Variants in MCCC1 observed in about 807,000 individuals in gnomAD.
MCCC1 encodes methylcrotonyl-CoA carboxylase subunit 1.
In MCCC1, 64 loss-of-function variants were observed where a neutral mutation model predicts 83.8. The observed-to-expected ratio is 0.76, with a 90% CI of 0.62 to 0.94. The LOEUF is 0.94. Among genes scored for constraint, MCCC1 ranks in the 40% least tolerant of loss-of-function variants. The probability of loss-of-function intolerance (pLI) is 0.00; values close to 1 mark genes in which losing one functional copy is unlikely to be tolerated. For missense variants in MCCC1, 807 were observed against 904.7 expected (o/e 0.89, Z 1.39); for synonymous variants, 322 against 315.4 (o/e 1.02, Z -0.22).
intron 9 of MCCC1, among the ~76,000 whole-genome samples, chr3:183,046,608 C>T (rs913624428): frequency 6.6e-6 from 1 of 152,026 alleles, no homozygotes; most frequent in African/African-American, 2.4e-5. Flanking sequence ...CCATGTTGGC[C>T]AGGCTGGTCT....
intron 7 of MCCC1, among the ~76,000 whole-genome samples, chr3:183,062,349 AGTT>A (rs1715900301): frequency 1.1e-5 from 1 of 93,558 alleles, no homozygotes; most frequent in South Asian, 3.7e-4. Context: ...TTGTTTTTTC[AGTT>A]TTTTTTTTTT....
chr3:183,074,060 G>A (rs6782692), intron 4 of MCCC1, among the ~76,000 whole-genome samples: 136,401 of 152,232 alleles, frequency 0.9, 61,494 homozygotes, highest in East Asian at 1. Context: ...GACTCAGAAT[G>A]GCGTGCAATT....
At chr3:183,037,529 G>A in intron 12 of MCCC1, 95 bp from the exon 13 acceptor site, 1 of 1,052,156 alleles carries the variant, frequency 9.5e-7, no homozygotes, top group Non-Finnish European at 1.4e-6. Flanking sequence ...TTTCTACTGT[G>A]AACAACTCTT....
At position 183,045,559 on chromosome 3, in the gene MCCC1, T is replaced by C. The variant is rs752640273; in HGVS notation, c.956-19A>G. On this transcript the variant is annotated intron_variant, in intron 9 of 18. Transcript: ENST00000265594. ...ACAGTCCCTAAAAGGTAAAAAACAATGGTCATATTCAATAGTGTATAATCA... is the reference window on the plus strand; with the variant it reads ...ACAGTCCCTAAAAGGTAAAAAACAACGGTCATATTCAATAGTGTATAATCA... 4 of 1,613,062 alleles carry C rather than the reference T, an allele frequency of 2.5e-6. No homozygotes were observed. Among genetic ancestry groups the C allele is most frequent in the Non-Finnish European group, 2.5e-6 (3 of 1,179,332 alleles).
chr3:183,050,808 A>G (rs1714921527), intron 9 of MCCC1, among the ~76,000 whole-genome samples: 2 of 152,202 alleles, frequency 1.3e-5, no homozygotes, highest in South Asian at 2.1e-4. Context: ...CTGTCATTCA[A>G]AATATACAAA....
At chr3:183,106,706 A>T (rs1456987039) in intron 1 of MCCC1, among the ~76,000 whole-genome samples, 1 of 152,114 alleles carries the variant, frequency 6.6e-6, no homozygotes, top group African/African-American at 2.4e-5. Flanking sequence ...CGTGTCGGCC[A>T]GGCTGATCTC....
intron 10 of MCCC1, among the ~76,000 whole-genome samples, chr3:183,045,191 TG>T (rs1368832714): frequency 6.6e-6 from 1 of 151,272 alleles, no homozygotes; most frequent in Non-Finnish European, 1.5e-5. Flanking sequence ...GTGATTCTCC[TG>T]CCTCAGCCTC....
At chr3:183,034,098 A>G (rs1295996236) in intron 13 of MCCC1, 21 bp from the exon 14 acceptor site, 1 of 1,499,004 alleles carries the variant, frequency 6.7e-7, no homozygotes, top group Middle Eastern at 2.2e-4. Context: ...TTTAAAATTC[A>G]GTAACAAACT....
At chr3:183,086,598 G>A in intron 4 of MCCC1, 95 bp downstream of exon 4, 2 of 1,091,386 alleles carry the variant, frequency 1.8e-6, no homozygotes, top group East Asian at 2.5e-5. Context: ...AAAGATCTTG[G>A]GAAAGGCTAA....
chr3:183,094,723 T>G (rs532038419), intron 1 of MCCC1, 118 bp from the exon 2 acceptor site: 1 of 988,370 alleles, frequency 1.0e-6, no homozygotes, highest in South Asian at 1.3e-5. Flanking sequence ...AGTGCTTTAG[T>G]AAGACTTTCT....
chr3:183,044,003 A>G (rs529187830), intron 10 of MCCC1, among the ~76,000 whole-genome samples: 4 of 152,234 alleles, frequency 2.6e-5, no homozygotes, highest in South Asian at 4.1e-4. Context: ...TTTCGTTAAC[A>G]CCCTAGGATA....
At chr3:183,099,265 G>C (rs370941791) in intron 1 of MCCC1, 87 bp downstream of exon 1, 6 of 1,472,292 alleles carry the variant, frequency 4.1e-6, no homozygotes, top group Non-Finnish European at 5.5e-6. Flanking sequence ...ACCGACCCTG[G>C]GTTCCGCCGC....
intron 9 of MCCC1, among the ~76,000 whole-genome samples, chr3:183,050,753 A>C (rs920845284): frequency 4.6e-5 from 7 of 151,950 alleles, no homozygotes. Flanking sequence ...AAGTGAAGAC[A>C]AGCCTCAGAC....
intron 1 of MCCC1, among the ~76,000 whole-genome samples, chr3:183,106,783 C>T (rs904733917): frequency 2.6e-5 from 4 of 152,122 alleles, no homozygotes; most frequent in Non-Finnish European, 1.5e-5. Context: ...AGGCATGAGT[C>T]ACCACGCCCA....
intron 8 of MCCC1, 76 bp from the exon 9 acceptor site, chr3:183,052,316 C>CGGGCG: frequency 8.0e-7 from 1 of 1,247,060 alleles, no homozygotes; most frequent in Admixed American, 1.7e-5. Context: ...TCAATTCAGT[C>CGGGCG]AGGTGCCACA....
intron 9 of MCCC1, among the ~76,000 whole-genome samples, chr3:183,051,719 C>T (rs143801967): frequency 1.4e-3 from 206 of 149,282 alleles, no homozygotes; most frequent in African/African-American, 4.8e-3. Flanking sequence ...ACAAACGTAC[C>T]TCTCTGGTGC....
rs750271890 is a variant in MCCC1, at chr3:183,099,481, G to A, written c.-41C>T. On this transcript the variant is annotated 5_prime_UTR_variant, in exon 1 of 19. Transcript: ENST00000265594. ...CCACTCCGTGACTCCCCAGTACAGA[G>A]GCAGCTGCGTCCCACACGCCAAACC... The A allele has an allele frequency of 4.5e-6, 7 of 1,571,048 alleles. No individual in the cohort carries two copies. In the East Asian group the frequency reaches 7.1e-5, roughly 16 times the overall value.
chr3:183,080,961 A>T (rs1226989001), intron 4 of MCCC1, among the ~76,000 whole-genome samples: 1 of 152,150 alleles, frequency 6.6e-6, no homozygotes, highest in African/African-American at 2.4e-5. Flanking sequence ...ATCACCTCCT[A>T]CCGGGTTCCT....
At chr3:183,025,653 A>G in intron 15 of MCCC1, 102 bp downstream of exon 15, 1 of 1,065,376 alleles carries the variant, frequency 9.4e-7, no homozygotes, top group South Asian at 1.3e-5. Context: ...TACAGTCATA[A>G]TAGTCAAAGG....
Sources: gnomAD v4.1 joint callset for allele counts (sites outside exome capture counted in the v4.1 genomes callset) on GRCh38, gnomAD v4.1.1 for gene constraint, MANE v1.5 for transcripts, NCBI Gene and HGNC (gene_info 2026-07-23, HGNC 2026-07-21) for gene names.